Variants in TAF1B observed in about 807,000 individuals in gnomAD.
TAF1B encodes TATA box-binding protein-associated factor RNA polymerase I subunit B.
TAF1B carries 61 observed loss-of-function variants against 83.9 expected under a neutral mutation model. The ratio of observed to expected loss-of-function variants is 0.73; its 90% confidence interval spans 0.59 to 0.90. The LOEUF (loss-of-function observed/expected upper bound fraction) is 0.90. Ranked by LOEUF, TAF1B falls within the 40% of genes least tolerant of loss-of-function variation. The probability of loss-of-function intolerance (pLI) is 0.00; values close to 1 mark genes in which losing one functional copy is unlikely to be tolerated. For missense variants in TAF1B, 625 were observed against 677.0 expected (o/e 0.92, Z 0.85); for synonymous variants, 221 against 224.6 (o/e 0.98, Z 0.14).
intron 6 of TAF1B, among the ~76,000 whole-genome samples, chr2:9,875,037 G>T (rs552597810): frequency 6.6e-6 from 1 of 151,256 alleles, no homozygotes; most frequent in African/African-American, 2.4e-5. Context: ...GCACGATCTC[G>T]GCTCACTGCA....
At chr2:9,927,788 T>C (rs925638644) in intron 14 of TAF1B, among the ~76,000 whole-genome samples, 2 of 152,246 alleles carry the variant, frequency 1.3e-5, no homozygotes, top group African/African-American at 4.8e-5. Context: ...GATGGGTAGA[T>C]TGAAAAAATT....
In TAF1B at chr2:9,885,743, GC is replaced by G. The variant is rs58213359; in HGVS notation, c.807+2947del. Reference sequence around the variant, plus strand: ...GTATGTCTCCCTTCTTTCTCCCCACGCCCCCCCCCACTTTGTCCTTCTCTCC... The same window carrying G: ...GTATGTCTCCCTTCTTTCTCCCCACGCCCCCCCCACTTTGTCCTTCTCTCC... On this transcript the variant is annotated intron_variant, in intron 8 of 14. Transcript: ENST00000263663. 4.2e-3 allele frequency among the ~76,000 whole-genome samples: 605 copies of G among 142,716 alleles called. 3 individuals carry two copies. The highest frequency in any genetic ancestry group is 6.9e-3 in the Middle Eastern group (2 of 288). The allele number at this position is 142,716 out of a possible 152,430, so 93.6% of individuals were successfully genotyped here. A position where few individuals can be genotyped will look rare whatever the true frequency, so the allele number is the denominator to read the frequency against.
chr2:9,934,141 A>G lies in TAF1B; in HGVS notation c.*157A>G. The G allele has an allele frequency of 3.2e-6, 2 of 617,346 alleles. No homozygotes were observed. Among genetic ancestry groups the G allele is most frequent in the Non-Finnish European group, 5.4e-6 (2 of 367,318 alleles). 38.2% of individuals were successfully genotyped at this position (617,346 alleles called of 1,614,324 possible). On this transcript the variant is annotated 3_prime_UTR_variant, in exon 15 of 15. Coordinates refer to ENST00000263663, the MANE Select transcript of TAF1B (RefSeq NM_005680.3). Reference sequence around the variant, plus strand: ...ATATCAAGTGTGCTTAGAAAAATGTATATTGTAAAGCAGGTGAGCTTCATT... The same window carrying G: ...ATATCAAGTGTGCTTAGAAAAATGTGTATTGTAAAGCAGGTGAGCTTCATT...
chr2:9,859,233 A>G (rs1272456112), intron 5 of TAF1B, among the ~76,000 whole-genome samples: 1 of 152,078 alleles, frequency 6.6e-6, no homozygotes, highest in Admixed American at 6.5e-5. Flanking sequence ...TCTCAGCTTC[A>G]AAGTTCTGCA....
intron 12 of TAF1B, among the ~76,000 whole-genome samples, chr2:9,918,205 T>C (rs1665747567): frequency 6.6e-6 from 1 of 152,242 alleles, no homozygotes; most frequent in South Asian, 2.1e-4. Flanking sequence ...TTATAAGTTA[T>C]GAAAGTTCTC....
chr2:9,933,577 G>A (rs1217385072), intron 14 of TAF1B, among the ~76,000 whole-genome samples: 1 of 152,184 alleles, frequency 6.6e-6, no homozygotes, highest in Non-Finnish European at 1.5e-5. Context: ...TGGCCCTTGT[G>A]TGGTGGCCAT....
chr2:9,844,975 C>G (rs1253670213), intron 1 of TAF1B, among the ~76,000 whole-genome samples: 2 of 152,194 alleles, frequency 1.3e-5, no homozygotes, highest in African/African-American at 4.8e-5. Flanking sequence ...TTTACCCCTA[C>G]TACCTCCTTT....
At chr2:9,880,162 G>A (rs1664454721) in intron 7 of TAF1B, among the ~76,000 whole-genome samples, 1 of 152,162 alleles carries the variant, frequency 6.6e-6, no homozygotes, top group Non-Finnish European at 1.5e-5. Flanking sequence ...TAATTCTAAT[G>A]CAGTGGTTTT....
chr2:9,910,908 C>G lies in TAF1B; in HGVS notation c.1128C>G (p.Phe376Leu). ...LKLLFLLDDSFEWSLSNLAEK... is the reference protein window; with the variant it reads ...LKLLFLLDDSLEWSLSNLAEK... ...TGCTCTTTCTATTGGATGACAGTTTCGAGTGGTAAGTGTACGTCAATTTTA... is the reference window on the plus strand; with the variant it reads ...TGCTCTTTCTATTGGATGACAGTTTGGAGTGGTAAGTGTACGTCAATTTTA... The change falls in exon 10 of 15, where the codon TTC (phenylalanine) becomes TTG (leucine). Residue 376 changes from phenylalanine (F) to leucine (L), a missense_variant. Physicochemically the swap from Phe to Leu is conservative, Grantham distance 22. Transcript: ENST00000263663. 1 of 1,608,762 alleles carries G rather than the reference C, an allele frequency of 6.2e-7. No homozygotes were observed. Among genetic ancestry groups the G allele is most frequent in the South Asian group, 1.1e-5 (1 of 90,036 alleles).
chr2:9,894,716 TCC>T (rs974167208), intron 8 of TAF1B, among the ~76,000 whole-genome samples: 5 of 151,416 alleles, frequency 3.3e-5, no homozygotes, highest in Admixed American at 1.3e-4. Context: ...CCCTCACCTG[TCC>T]CTCCCAGGAG....
At chr2:9,854,888 G>T (rs1301261938) in intron 5 of TAF1B, among the ~76,000 whole-genome samples, 1 of 152,138 alleles carries the variant, frequency 6.6e-6, no homozygotes, top group Non-Finnish European at 1.5e-5. Context: ...GCTGTTTTTA[G>T]CAGTTTCTTT....
chr2:9,906,444 G>T (rs191551892), intron 9 of TAF1B, among the ~76,000 whole-genome samples: 1 of 152,064 alleles, frequency 6.6e-6, no homozygotes, highest in Admixed American at 6.5e-5. Context: ...CTGTTCAATA[G>T]AAATAATTTG....
intron 7 of TAF1B, among the ~76,000 whole-genome samples, chr2:9,877,409 G>C (rs1422570454): frequency 1.3e-5 from 2 of 152,020 alleles, no homozygotes; most frequent in African/African-American, 4.8e-5. Context: ...AGAAGCCTAG[G>C]AATCATCCTT....
chr2:9,849,438 G>C lies in TAF1B; in HGVS notation c.183G>C (p.Gly61=). 3.2e-6 allele frequency: 5 copies of C among 1,573,328 alleles called. No individual in the cohort carries two copies. The highest frequency in any genetic ancestry group is 4.3e-6 in the Non-Finnish European group (5 of 1,162,778). ...CCCAAATAAAAGCCCTCAACCGGGG[G>C]CTTAAAAAAAAAAACAATACTGGTA... ...PNTQIKALNR[G]LKKKNNTEKG... The change falls in exon 3 of 15, where the codon GGG becomes GGC. Residue 61 remains glycine (G), a synonymous_variant. Coordinates refer to ENST00000263663, the MANE Select transcript of TAF1B (RefSeq NM_005680.3).
intron 7 of TAF1B, among the ~76,000 whole-genome samples, chr2:9,877,436 C>G (rs1006971753): frequency 6.6e-6 from 1 of 152,194 alleles, no homozygotes; most frequent in East Asian, 1.9e-4. Context: ...TTCCCCTCTA[C>G]GTACACTGTT....
rs747762753 is a variant in TAF1B, at chr2:9,919,064, C to T, written c.1295C>T (p.Pro432Leu). Residue 432 changes from proline to leucine, a missense_variant, in exon 13 of 15, where the codon CCA becomes CTA. By Grantham distance (98) the Pro-to-Leu change is moderately conservative. Transcript: ENST00000263663. ...RAKYLWKSEK[P>L]LYYSFVDKPV... ...AGGTACCTGTGGAAAAGTGAAAAGC[C>T]ACTCTACTACTCATTTGTCGACAAA... The T allele has an allele frequency of 6.2e-7, 1 of 1,614,058 alleles. No homozygotes were observed. Among genetic ancestry groups the T allele is most frequent in the Non-Finnish European group, 8.5e-7 (1 of 1,179,984 alleles).
At chr2:9,886,848 C>T (rs1243294840) in intron 8 of TAF1B, among the ~76,000 whole-genome samples, 5 of 152,132 alleles carry the variant, frequency 3.3e-5, no homozygotes, top group Admixed American at 6.5e-5. Flanking sequence ...AGGCGGATCG[C>T]GAGGTCAGGA....
At chr2:9,876,758 CATTTA>C (rs1664332186) in intron 7 of TAF1B, among the ~76,000 whole-genome samples, 1 of 152,162 alleles carries the variant, frequency 6.6e-6, no homozygotes, top group East Asian at 1.9e-4. Context: ...TTGAGTAAGT[CATTTA>C]ATTTGTCTCT....
chr2:9,855,236 C>G (rs1199651849), intron 5 of TAF1B, among the ~76,000 whole-genome samples: 1 of 152,202 alleles, frequency 6.6e-6, no homozygotes, highest in African/African-American at 2.4e-5. Flanking sequence ...CGCAGATGAT[C>G]CATCCTCCTC....
Sources: allele counts gnomAD v4.1 joint callset (sites outside exome capture counted in the v4.1 genomes callset), GRCh38; gene constraint gnomAD v4.1.1; transcripts MANE v1.5; gene names NCBI Gene and HGNC (gene_info 2026-07-23, HGNC 2026-07-21).